Variants in SGCG observed in about 807,000 individuals in gnomAD.
The protein encoded by SGCG is sarcoglycan gamma.
SGCG carries 26 observed loss-of-function variants against 29.3 expected under a neutral mutation model. The ratio of observed to expected loss-of-function variants is 0.89; its 90% confidence interval spans 0.65 to 1.23. SGCG has a LOEUF of 1.23. Ranked by LOEUF, SGCG falls within the 50% of genes most tolerant of loss-of-function variation. SGCG has a pLI of 0.00. For synonymous variants in SGCG, 145 were observed against 129.7 expected, an observed-to-expected ratio of 1.12 and a Z score of -0.80; for missense variants, 353 against 356.0, an observed-to-expected ratio of 0.99 and a Z score of 0.07.
intron 6 of SGCG, among the ~76,000 whole-genome samples, chr13:23,313,470 T>C (rs1324675613): frequency 6.6e-6 from 1 of 152,166 alleles, no homozygotes; most frequent in Non-Finnish European, 1.5e-5. Flanking sequence ...TGGCCTTCTC[T>C]TTTTTTAAAA....
chr13:23,310,789 G>C (rs1461637026), intron 6 of SGCG, among the ~76,000 whole-genome samples: 1 of 151,506 alleles, frequency 6.6e-6, no homozygotes, highest in Non-Finnish European at 1.5e-5. Context: ...TTGTTTATAT[G>C]CACAGACACA....
intron 3 of SGCG, among the ~76,000 whole-genome samples, chr13:23,235,399 T>C (rs529197895): frequency 6.6e-6 from 1 of 152,054 alleles, no homozygotes; most frequent in South Asian, 2.1e-4. Flanking sequence ...AGAAAGAAAT[T>C]TGTTTCATTG....
At chr13:23,245,206 C>T (rs1215362311) in intron 3 of SGCG, 1 of 152,166 alleles carries the variant, frequency 6.6e-6, no homozygotes, top group East Asian at 1.9e-4. Context: ...TCTGCCAGCC[C>T]CTTTCTAAAA....
chr13:23,286,478 T>G (rs1881500674), intron 5 of SGCG, among the ~76,000 whole-genome samples: 1 of 152,222 alleles, frequency 6.6e-6, no homozygotes, highest in Admixed American at 6.5e-5. Flanking sequence ...ACTCTTGTGA[T>G]GACTGACAAT....
the SGCG span, among the ~76,000 whole-genome samples, chr13:23,165,002 C>T: frequency 2.1e-4 from 32 of 152,350 alleles, 1 homozygote; most frequent in African/African-American, 7.2e-4. Flanking sequence ...CCCTCCCCTC[C>T]CACTGCACCT....
At chr13:23,163,735 T>C in the SGCG span, among the ~76,000 whole-genome samples, 1 of 152,274 alleles carries the variant, frequency 6.6e-6, no homozygotes, top group Admixed American at 6.5e-5. Context: ...TTTTCAAAAC[T>C]AAGATATAGT....
chr13:23,301,158 G>A (rs571185331), intron 6 of SGCG, among the ~76,000 whole-genome samples: 1 of 152,164 alleles, frequency 6.6e-6, no homozygotes, highest in East Asian at 1.9e-4. Context: ...ATTAGAATTA[G>A]CAGCTGCTAC....
At chr13:23,307,291 A>G (rs1417365561) in intron 6 of SGCG, among the ~76,000 whole-genome samples, 1 of 152,232 alleles carries the variant, frequency 6.6e-6, no homozygotes, top group Non-Finnish European at 1.5e-5. Flanking sequence ...TAGTTACTCT[A>G]TAGTGCAACA....
chr13:23,242,427 T>C (rs971699943), intron 3 of SGCG, among the ~76,000 whole-genome samples: 3 of 152,186 alleles, frequency 2.0e-5, no homozygotes, highest in African/African-American at 7.2e-5. Context: ...TTATTAATGG[T>C]CTTTTTATAC....
chr13:23,285,952 A>G (rs913991996), intron 5 of SGCG, among the ~76,000 whole-genome samples: 3 of 152,144 alleles, frequency 2.0e-5, no homozygotes, highest in Non-Finnish European at 4.4e-5. Flanking sequence ...CTGTCTAACC[A>G]GTCCCAATGA....
At chr13:23,173,951 T>C in the SGCG span, among the ~76,000 whole-genome samples, 4 of 152,212 alleles carry the variant, frequency 2.6e-5, no homozygotes, top group Non-Finnish European at 4.4e-5. Context: ...CTCTTAATGA[T>C]AGATGTCAGT....
chr13:23,321,891 G>A (rs984792205), intron 7 of SGCG, among the ~76,000 whole-genome samples: 8 of 146,890 alleles, frequency 5.4e-5, no homozygotes, highest in Non-Finnish European at 1.1e-4. Flanking sequence ...TACTGATATT[G>A]GAACCCTGTT....
intron 4 of SGCG, among the ~76,000 whole-genome samples, chr13:23,269,419 A>G (rs891294851): frequency 1.3e-5 from 2 of 152,182 alleles, no homozygotes; most frequent in Non-Finnish European, 2.9e-5. Context: ...ACAAAAAGAT[A>G]TAGTCAAGAA....
intron 3 of SGCG, among the ~76,000 whole-genome samples, chr13:23,248,673 G>T (rs1454360311): frequency 6.7e-6 from 1 of 149,326 alleles, no homozygotes; most frequent in Non-Finnish European, 1.5e-5. Context: ...CAGCCTGGGC[G>T]GCGGAACTAG....
intron 3 of SGCG, chr13:23,244,807 C>T (rs1879637822): frequency 6.6e-6 from 1 of 152,128 alleles, no homozygotes; most frequent in African/African-American, 2.4e-5. Context: ...CTCTAGAACA[C>T]CAAGAACTGT....
At chr13:23,226,686 C>T (rs547544927) in intron 2 of SGCG, among the ~76,000 whole-genome samples, 61 of 152,222 alleles carry the variant, frequency 4.0e-4, no homozygotes, top group African/African-American at 1.4e-3. Context: ...TCCACTTACA[C>T]GAGGTGCCTA....
At chr13:23,319,614 G>C (rs1271961939) in intron 6 of SGCG, among the ~76,000 whole-genome samples, 1 of 152,110 alleles carries the variant, frequency 6.6e-6, no homozygotes, top group African/African-American at 2.4e-5. Context: ...CATTATCAGG[G>C]TACTTCTCTC....
chr13:23,299,427 TATATATATATATATATA>T (rs1882039568), intron 6 of SGCG, among the ~76,000 whole-genome samples: 1 of 13,536 alleles, frequency 7.4e-5, no homozygotes, highest in African/African-American at 2.1e-4. Context: ...TATATATATA[TATATATATATATATATA>T]TATATATATA....
intron 6 of SGCG, among the ~76,000 whole-genome samples, chr13:23,303,706 T>C (rs140323804): frequency 2.4e-4 from 37 of 152,338 alleles, no homozygotes; most frequent in African/African-American, 8.7e-4. Context: ...ACAATGTGCT[T>C]GTGCAGGTAA....
Sources: allele counts gnomAD v4.1 joint callset (sites outside exome capture counted in the v4.1 genomes callset), GRCh38; gene constraint gnomAD v4.1.1; transcripts MANE v1.5; gene names NCBI Gene and HGNC (gene_info 2026-07-23, HGNC 2026-07-21).